Variants in ACSM2A observed in about 807,000 individuals in gnomAD.
The protein encoded by ACSM2A is acyl-coenzyme A synthetase ACSM2A, mitochondrial.
ACSM2A carries 72 observed loss-of-function variants against 76.6 expected under a neutral mutation model. That is an observed-to-expected ratio of 0.94 (90% CI 0.78 to 1.14). The LOEUF (loss-of-function observed/expected upper bound fraction) is 1.14. Ranked by LOEUF, ACSM2A falls within the 50% of genes most tolerant of loss-of-function variation. ACSM2A has a pLI of 0.00. For synonymous variants in ACSM2A, 249 were observed against 255.9 expected (o/e 0.97, Z 0.26); for missense variants, 684 against 708.5 (o/e 0.97, Z 0.39).
chr16:20,453,912 G>C (rs1365404681), intron 1 of ACSM2A: 9 of 126,856 alleles, frequency 7.1e-5, no homozygotes, highest in African/African-American at 2.6e-4. Context: ...ATTCTAGTCA[G>C]AGTGGTTCTC....
At chr16:20,472,914 A>G (rs940112713) in intron 6 of ACSM2A, among the ~76,000 whole-genome samples, 1 of 152,152 alleles carries the variant, frequency 6.6e-6, no homozygotes, top group African/African-American at 2.4e-5. Context: ...CCAATTTAAG[A>G]TGGTTTTCTA....
At chr16:20,485,927 G>T (rs148862559) in intron 13 of ACSM2A, among the ~76,000 whole-genome samples, 183 of 152,328 alleles carry the variant, frequency 1.2e-3, no homozygotes, top group African/African-American at 4.3e-3. Flanking sequence ...GGGAATATAA[G>T]AGATAGAGGA....
intron 1 of ACSM2A, among the ~76,000 whole-genome samples, chr16:20,459,338 G>A (rs571695143): frequency 6.6e-6 from 1 of 152,192 alleles, no homozygotes; most frequent in Admixed American, 6.5e-5. Context: ...CTGTGCACTA[G>A]ATGGATAGGA....
chr16:20,454,900 GA>G (rs71149145), intron 1 of ACSM2A, among the ~76,000 whole-genome samples: 2,547 of 143,120 alleles, frequency 0.018, 60 homozygotes, highest in African/African-American at 0.056. Context: ...CCAATTTAAG[GA>G]AAAAAAAAAA....
chr16:20,455,691 T>C (rs2141679957), intron 1 of ACSM2A, among the ~76,000 whole-genome samples: 1 of 148,286 alleles, frequency 6.7e-6, no homozygotes, highest in Admixed American at 6.6e-5. Context: ...AAATAGAACC[T>C]TTTTAAAGCA....
In ACSM2A at chr16:20,486,719, T is replaced by C. The variant is rs747333218; in HGVS notation, c.*41T>C. 6.2e-7 allele frequency: 1 copy of C among 1,608,498 alleles called. No individual in the cohort carries two copies. Among genetic ancestry groups the C allele is most frequent in the African/African-American group, 1.3e-5 (1 of 74,864 alleles). On this transcript the variant is annotated 3_prime_UTR_variant, in exon 14 of 14. Coordinates refer to ENST00000573854, the MANE Select transcript of ACSM2A (RefSeq NM_001308172.2). ...TTCATTTGGATTCCCCTCTTCTTTC[T>C]CTTTCTTTTCCCTTTGGGCCCTTGG...
At chr16:20,458,513 T>C (rs1442567078) in intron 1 of ACSM2A, among the ~76,000 whole-genome samples, 1 of 145,404 alleles carries the variant, frequency 6.9e-6, no homozygotes, top group African/African-American at 2.5e-5. Flanking sequence ...ACATTATATA[T>C]TATATAATGT....
rs142690835 is a variant in ACSM2A, at chr16:20,474,318, G to A, written c.895-1044G>A. Reference sequence around the variant, plus strand: ...TAAGAGATGATTGGGCCTCATGAGGGATTAATGGATTAATGGGTTATCCTG... The same window carrying A: ...TAAGAGATGATTGGGCCTCATGAGGAATTAATGGATTAATGGGTTATCCTG... On this transcript the variant is annotated intron_variant, in intron 6 of 13. Transcript: ENST00000573854. The A allele has an allele frequency of 2.5e-3, 514 of 203,588 alleles. 4 individuals carry two copies. The highest frequency in any genetic ancestry group is 0.011 in the African/African-American group (480 of 41,960). 12.6% of individuals were successfully genotyped at this position (203,588 alleles called of 1,614,324 possible).
At chr16:20,454,967 C>T (rs1350420892) in intron 1 of ACSM2A, among the ~76,000 whole-genome samples, 1 of 150,710 alleles carries the variant, frequency 6.6e-6, no homozygotes, top group Admixed American at 6.6e-5. Flanking sequence ...ATAAAACAAT[C>T]ATAACTTTAG....
intron 6 of ACSM2A, among the ~76,000 whole-genome samples, chr16:20,474,404 G>A (rs992230513): frequency 1.4e-4 from 21 of 152,030 alleles, no homozygotes; most frequent in Admixed American, 3.3e-4. Context: ...GCTCTACCTC[G>A]TGAGCCCCTT....
At chr16:20,458,909 T>TATATATATATATATATATAC (rs2012407490) in intron 1 of ACSM2A, among the ~76,000 whole-genome samples, 3 of 56,728 alleles carry the variant, frequency 5.3e-5, no homozygotes, top group African/African-American at 2.0e-4. Context: ...TATATGCATA[T>TATATATATATATATATATAC]ATATATATAT....
At chr16:20,475,304 A>C in intron 6 of ACSM2A, 58 bp from the exon 7 acceptor site, 1 of 1,612,634 alleles carries the variant, frequency 6.2e-7, no homozygotes, top group Non-Finnish European at 8.5e-7. Flanking sequence ...CACTGTGCAT[A>C]GCCATAAGTT....
intron 13 of ACSM2A, among the ~76,000 whole-genome samples, chr16:20,486,098 A>G (rs1206480129): frequency 6.6e-6 from 1 of 152,266 alleles, no homozygotes; most frequent in Non-Finnish European, 1.5e-5. Flanking sequence ...ACCCAGATTA[A>G]TAACCACAGC....
chr16:20,471,165 T>G lies in ACSM2A; in HGVS notation c.689T>G (p.Met230Arg). 1 of 1,612,934 alleles carries G rather than the reference T, an allele frequency of 6.2e-7. No individual in the cohort carries two copies. Among genetic ancestry groups the G allele is most frequent in the Non-Finnish European group, 8.5e-7 (1 of 1,179,094 alleles). The stretch of plus-strand genomic sequence containing the variant: ...AGTGGGACCAGTGGTCTTCCCAAGA[T>G]GGCAGAACATTCCTACTCGAGCCTG... ...FTSGTSGLPK[M>R]AEHSYSSLGL... Residue 230 changes from methionine (M) to arginine (R), a missense_variant, in exon 5 of 14, where the codon ATG becomes AGG. Around this residue, in one of 3 missense-constraint regions of ACSM2A, gnomAD observed 519 missense variants for 549.5 expected, o/e 0.94. Coordinates refer to ENST00000573854, the MANE Select transcript of ACSM2A (RefSeq NM_001308172.2).
intron 12 of ACSM2A, 118 bp downstream of exon 12, chr16:20,481,039 C>A: frequency 1.6e-6 from 2 of 1,248,822 alleles, no homozygotes; most frequent in Non-Finnish European, 1.1e-6. Flanking sequence ...CTTGGCCCTG[C>A]CACTTACTAG....
chr16:20,486,552 G>A, intron 13 of ACSM2A, 22 bp from the exon 14 acceptor site: 1 of 1,613,016 alleles, frequency 6.2e-7, no homozygotes, highest in Non-Finnish European at 8.5e-7. Context: ...CACCCACCCT[G>A]GACTGATTTG....
At chr16:20,476,601 T>C in intron 8 of ACSM2A, 1 of 985,604 alleles carries the variant, frequency 1.0e-6, no homozygotes, top group Non-Finnish European at 1.2e-6. Context: ...GTTTAGGATA[T>C]GCTTACAAGG....
At chr16:20,459,189 G>GGTTAAGTGTATACTGTAAGT in intron 1 of ACSM2A, among the ~76,000 whole-genome samples, 1 of 151,926 alleles carries the variant, frequency 6.6e-6, no homozygotes, top group East Asian at 1.9e-4. Context: ...GTACAAAGTG[G>GGTTAAGTGTATACTGTAAGT]GTTAAGTGTA....
rs532961132 is a variant in ACSM2A at position 20,457,027 on chromosome 16, T to C, written c.-8-3080T>C. Among the ~76,000 whole-genome samples, 6 of 152,036 alleles carry C rather than the reference T, an allele frequency of 3.9e-5. No homozygotes were observed. In the East Asian group the frequency reaches 9.6e-4, roughly 24 times the overall value. The stretch of plus-strand genomic sequence containing the variant: ...ATCATTCAAGGCACTACAAACAGCT[T>C]TATGCACATAAGCTAAAAAACTTGG... On this transcript the variant is annotated intron_variant, in intron 1 of 13. Transcript: ENST00000573854.
Sources: allele counts gnomAD v4.1 joint callset (sites outside exome capture counted in the v4.1 genomes callset), GRCh38; gene constraint gnomAD v4.1.1; regional missense constraint gnomAD v4.1.1; transcripts MANE v1.5; gene names NCBI Gene and HGNC (gene_info 2026-07-23, HGNC 2026-07-21).